Variants in LPAR1 observed in about 807,000 individuals in gnomAD.
The protein encoded by LPAR1 is LPA receptor 1.
LPAR1 carries 5 observed loss-of-function variants against 23.8 expected under a neutral mutation model. The observed-to-expected ratio is 0.21, with a 90% CI of 0.11 to 0.44. The LOEUF (loss-of-function observed/expected upper bound fraction) is 0.44. LPAR1 is among the 20% of genes least tolerant of loss of function. The probability of loss-of-function intolerance (pLI) is 0.99; values close to 1 mark genes in which losing one functional copy is unlikely to be tolerated. For synonymous variants in LPAR1, 160 were observed against 164.7 expected (o/e 0.97, Z 0.22); for missense variants, 311 against 482.8 (o/e 0.64, Z 3.33).
At chr9:110,943,100 A>C (rs2095225669) in intron 4 of LPAR1, among the ~76,000 whole-genome samples, 1 of 147,672 alleles carries the variant, frequency 6.8e-6, no homozygotes, top group Non-Finnish European at 1.5e-5. Context: ...AATATATAAT[A>C]TATAATTATA....
intron 5 of LPAR1, among the ~76,000 whole-genome samples, chr9:110,909,935 G>C (rs1029609109): frequency 4.0e-5 from 6 of 151,832 alleles, no homozygotes; most frequent in Non-Finnish European, 7.4e-5. Context: ...TTTTTGGAGA[G>C]ACAGGGTTTC....
intron 2 of LPAR1, among the ~76,000 whole-genome samples, chr9:111,006,310 A>T (rs570484065): frequency 6.6e-6 from 1 of 152,334 alleles, no homozygotes; most frequent in South Asian, 2.1e-4. Context: ...GAGCCTTCCT[A>T]GTCAATCCCA....
At chr9:110,982,506 T>C (rs966288579) in intron 2 of LPAR1, among the ~76,000 whole-genome samples, 1 of 151,922 alleles carries the variant, frequency 6.6e-6, no homozygotes. Context: ...GGGATAGCAT[T>C]AGGAGAAATA....
intron 5 of LPAR1, among the ~76,000 whole-genome samples, chr9:110,878,884 C>G (rs1036415175): frequency 5.9e-5 from 9 of 152,054 alleles, no homozygotes; most frequent in African/African-American, 2.2e-4. Flanking sequence ...AAAGAGATTC[C>G]TAGGACTTGC....
At chr9:110,923,984 A>C (rs1157220410) in intron 5 of LPAR1, among the ~76,000 whole-genome samples, 1 of 152,158 alleles carries the variant, frequency 6.6e-6, no homozygotes, top group Non-Finnish European at 1.5e-5. Context: ...TGGTTTCTAA[A>C]TCCTTAAAAA....
chr9:110,972,196 A>G lies in LPAR1; in HGVS notation c.-79T>C, dbSNP rs2138257573. 1 of 1,291,932 alleles carries G rather than the reference A, an allele frequency of 7.7e-7. No homozygotes were observed. 80.0% of individuals were successfully genotyped at this position (1,291,932 alleles called of 1,614,324 possible). A position where few individuals can be genotyped will look rare whatever the true frequency, so the allele number is the denominator to read the frequency against. ...TTTTCTTGTTTGCTGATCAGATCGA[A>G]GTCATGCTAGGAGAAGCTGTGTACC... is the stretch of plus-strand genomic sequence containing the variant. On this transcript the variant is annotated 5_prime_UTR_variant, in exon 4 of 6. Coordinates refer to ENST00000683809, the MANE Select transcript of LPAR1 (RefSeq NM_001351411.2).
In LPAR1 at chr9:110,930,871, C is replaced by T. The variant is rs140279231; in HGVS notation, c.793+10550G>A. On this transcript the variant is annotated intron_variant, in intron 5 of 5. Coordinates refer to ENST00000683809, the MANE Select transcript of LPAR1 (RefSeq NM_001351411.2). ...CAGATGTTGCGGTGAACCGAGATCA[C>T]GCCACTGCACTCCAGCCTGGGCAAC... 7.1e-3 allele frequency among the ~76,000 whole-genome samples: 1,084 copies of T among 152,172 alleles called. 13 individuals are homozygous for T. Among genetic ancestry groups the T allele is most frequent in the African/African-American group, 0.024 (1,010 of 41,512 alleles).
intron 2 of LPAR1, among the ~76,000 whole-genome samples, chr9:111,025,221 G>T (rs943284581): frequency 1.3e-5 from 2 of 152,132 alleles, no homozygotes; most frequent in African/African-American, 4.8e-5. Context: ...GTTGATTCCT[G>T]ACTTTTTAAT....
intron 5 of LPAR1, among the ~76,000 whole-genome samples, chr9:110,917,709 A>T (rs2093300415): frequency 6.6e-6 from 1 of 152,230 alleles, no homozygotes; most frequent in South Asian, 2.1e-4. Flanking sequence ...TAGAAGGGTT[A>T]TTTCTCCTGA....
At chr9:110,949,989 T>G (rs1418008776) in intron 4 of LPAR1, among the ~76,000 whole-genome samples, 1 of 152,196 alleles carries the variant, frequency 6.6e-6, no homozygotes. Flanking sequence ...TTGGCAATTT[T>G]TAATACACTT....
At chr9:110,992,315 T>TA (rs1158059191) in intron 2 of LPAR1, among the ~76,000 whole-genome samples, 2 of 152,130 alleles carry the variant, frequency 1.3e-5, no homozygotes, top group Admixed American at 6.5e-5. Flanking sequence ...ACTACATGAC[T>TA]ATTAGAATGG....
chr9:110,899,361 GTTCA>G (rs1176060665), intron 5 of LPAR1, among the ~76,000 whole-genome samples: 1 of 152,158 alleles, frequency 6.6e-6, no homozygotes, highest in East Asian at 1.9e-4. Context: ...ATTTTCAGAA[GTTCA>G]TTCGATCCAT....
chr9:110,967,424 G>A (rs1027277800), intron 4 of LPAR1, among the ~76,000 whole-genome samples: 7 of 152,064 alleles, frequency 4.6e-5, no homozygotes, highest in East Asian at 1.9e-4. Context: ...ATATTAATTC[G>A]TTTATATGTA....
intron 2 of LPAR1, among the ~76,000 whole-genome samples, chr9:111,006,977 A>G (rs2097230743): frequency 1.3e-5 from 2 of 152,038 alleles, no homozygotes; most frequent in South Asian, 4.2e-4. Flanking sequence ...CTTGGTGGTA[A>G]GTGATCTGAG....
chr9:110,932,875 G>A (rs2135763207), intron 5 of LPAR1, among the ~76,000 whole-genome samples: 1 of 152,282 alleles, frequency 6.6e-6, no homozygotes, highest in East Asian at 1.9e-4. Context: ...GATTCCTGGG[G>A]CCAAAAAGGT....
intron 2 of LPAR1, among the ~76,000 whole-genome samples, chr9:111,009,792 T>C (rs1253114616): frequency 6.6e-6 from 1 of 151,754 alleles, no homozygotes; most frequent in African/African-American, 2.4e-5. Context: ...TTGGATGATT[T>C]TTACCTATAA....
At chr9:110,981,244 G>A (rs570904877) in intron 2 of LPAR1, among the ~76,000 whole-genome samples, 89 of 152,202 alleles carry the variant, frequency 5.8e-4, no homozygotes, top group African/African-American at 2.1e-3. Flanking sequence ...AAAGGAGGAA[G>A]AGAGGCAGTG....
At chr9:110,964,532 A>C (rs117584091) in intron 4 of LPAR1, among the ~76,000 whole-genome samples, 3,132 of 152,364 alleles carry the variant, frequency 0.021, 59 homozygotes, top group Middle Eastern at 0.099. Context: ...CCAAAAAAGG[A>C]GCAAGTGAAG....
At chr9:110,972,024 T>C (rs1305125143) in intron 4 of LPAR1, 49 bp downstream of exon 4, 19 of 1,515,072 alleles carry the variant, frequency 1.3e-5, no homozygotes, top group African/African-American at 2.7e-5. Context: ...GTTTAAATAT[T>C]TGACAAACTT....
Sources: gnomAD v4.1 joint callset for allele counts (sites outside exome capture counted in the v4.1 genomes callset) on GRCh38, gnomAD v4.1.1 for gene constraint, MANE v1.5 for transcripts, NCBI Gene and HGNC (gene_info 2026-07-23, HGNC 2026-07-21) for gene names.